Variants in LRRC53 observed in about 807,000 individuals in gnomAD.
The protein encoded by LRRC53 is leucine-rich repeat-containing protein 53.
LRRC53 carries 25 observed loss-of-function variants against 13.6 expected under a neutral mutation model. That is an observed-to-expected ratio of 1.83 (90% CI 1.34 to 2.56). The LOEUF is 2.56. LRRC53 is among the 30% of genes most tolerant of loss of function. LRRC53 has a pLI of 0.00. For missense variants in LRRC53, 527 were observed against 275.8 expected (o/e 1.91, Z -6.45); for synonymous variants, 204 against 109.8 (o/e 1.86, Z -5.37).
rs11422312 is a variant in LRRC53 at position 74,473,532 on chromosome 1, AT to A, written c.1421-1332del. Among the ~76,000 whole-genome samples the A allele has an allele frequency of 2.1e-3, 319 of 149,518 alleles. 2 individuals carry two copies. Among genetic ancestry groups the A allele is most frequent in the Middle Eastern group, 3.4e-3 (1 of 290 alleles). On this transcript the variant is annotated intron_variant, in intron 4 of 4. Coordinates refer to ENST00000294635, the MANE Select transcript of LRRC53 (RefSeq NM_001382280.1). ...CAGCACTATTGCTATTTAAAAGGCT[AT>A]TTTTTTTTTTCATTTTTAACATTGT...
At chr1:74,490,261 A>T (rs1291753771) in intron 1 of LRRC53, among the ~76,000 whole-genome samples, 1 of 152,164 alleles carries the variant, frequency 6.6e-6, no homozygotes, top group African/African-American at 2.4e-5. Context: ...GGACTTACAG[A>T]AAGTGGGGAG....
At chr1:74,525,718 C>G in the LRRC53 span, among the ~76,000 whole-genome samples, 74,205 of 151,968 alleles carry the variant, frequency 0.49, 18,896 homozygotes, top group Non-Finnish European at 0.57. Context: ...TGGATGTGCA[C>G]AAGGCCACAG....
intron 1 of LRRC53, among the ~76,000 whole-genome samples, chr1:74,499,949 T>C (rs558225473): frequency 1.8e-4 from 28 of 152,214 alleles, no homozygotes; most frequent in African/African-American, 6.7e-4. Flanking sequence ...TTCTGTCTAG[T>C]ATTTTTTCTC....
the LRRC53 span, among the ~76,000 whole-genome samples, chr1:74,521,702 CA>C: frequency 1.3e-5 from 2 of 152,072 alleles, no homozygotes; most frequent in Non-Finnish European, 2.9e-5. Flanking sequence ...AGTTGGTGAA[CA>C]AGCCATTTCA....
In LRRC53 at chr1:74,470,713, GT is replaced by G; in HGVS notation, c.2908del (p.Thr970HisfsTer2). ...SHAQLENKEK[T>X]LMTKPQISHQ... ...TGATATTTGGGGTTTTGTCATTAATGTTTTTTCTTTATTTTCAAGCTGTGCA... is the reference window on the plus strand; with the variant it reads ...TGATATTTGGGGTTTTGTCATTAATGTTTTTCTTTATTTTCAAGCTGTGCA... On this transcript the variant is annotated frameshift_variant, in exon 5 of 5. Coordinates refer to ENST00000294635, the MANE Select transcript of LRRC53 (RefSeq NM_001382280.1). LOFTEE classifies it low-confidence loss of function (END_TRUNC). 1 of 400,460 alleles carries G rather than the reference GT, an allele frequency of 2.5e-6. No individual in the cohort carries two copies. Among genetic ancestry groups the G allele is most frequent in the Non-Finnish European group, 4.4e-6 (1 of 226,102 alleles). The allele number at this position is 400,460 out of a possible 1,614,324, so 24.8% of individuals were successfully genotyped here.
At chr1:74,473,040 T>C (rs1280156332) in intron 4 of LRRC53, among the ~76,000 whole-genome samples, 1 of 152,088 alleles carries the variant, frequency 6.6e-6, no homozygotes, top group Non-Finnish European at 1.5e-5. Context: ...AGAAGGAAAC[T>C]TGTACTGGCT....
intron 3 of LRRC53, 99 bp downstream of exon 3, chr1:74,480,054 C>A: frequency 1.6e-6 from 1 of 620,478 alleles, no homozygotes; most frequent in East Asian, 2.7e-5. Context: ...CTTTCCATAG[C>A]CCTGGCAACC....
chr1:74,522,370 A>C, the LRRC53 span, among the ~76,000 whole-genome samples: 1 of 152,156 alleles, frequency 6.6e-6, no homozygotes, highest in Non-Finnish European at 1.5e-5. Flanking sequence ...GGGAACCTGC[A>C]GCAGCTCAGA....
intron 1 of LRRC53, among the ~76,000 whole-genome samples, chr1:74,488,185 T>G (rs1570689373): frequency 6.6e-6 from 1 of 152,050 alleles, no homozygotes. Flanking sequence ...GACAAGCTGG[T>G]GGTGTTTAGA....
At chr1:74,526,165 A>T in the LRRC53 span, among the ~76,000 whole-genome samples, 1 of 152,252 alleles carries the variant, frequency 6.6e-6, no homozygotes, top group Admixed American at 6.5e-5. Flanking sequence ...AAACCTTCCC[A>T]TGCAGACTGG....
At chr1:74,514,327 G>A (rs890452494), upstream of LRRC53, among the ~76,000 whole-genome samples, 1 of 152,166 alleles carries the variant, frequency 6.6e-6, no homozygotes, top group Non-Finnish European at 1.5e-5. Context: ...AGCTGAAAGC[G>A]CTTTGTGATG....
chr1:74,506,796 T>A (rs1368170904), intron 1 of LRRC53, among the ~76,000 whole-genome samples: 11 of 152,188 alleles, frequency 7.2e-5, no homozygotes, highest in Admixed American at 7.2e-4. Flanking sequence ...CTTTCTAGAT[T>A]TTTTTCCTTC....
At chr1:74,523,611 T>A in the LRRC53 span, among the ~76,000 whole-genome samples, 1 of 152,134 alleles carries the variant, frequency 6.6e-6, no homozygotes. Flanking sequence ...TCTTCATGAG[T>A]CTAGCTTTGC....
At chr1:74,476,251 C>G (rs1009523590) in intron 3 of LRRC53, among the ~76,000 whole-genome samples, 1 of 152,072 alleles carries the variant, frequency 6.6e-6, no homozygotes, top group Non-Finnish European at 1.5e-5. Context: ...TTGCAAGATC[C>G]AGTGTTTCTC....
intron 1 of LRRC53, among the ~76,000 whole-genome samples, chr1:74,484,699 T>C (rs934139616): frequency 2.6e-5 from 4 of 151,694 alleles, no homozygotes; most frequent in Non-Finnish European, 5.9e-5. Context: ...CAGAGTGGAG[T>C]GTGTAAGAGG....
At chr1:74,475,868 A>G (rs1668180460) in intron 3 of LRRC53, 58 bp from the exon 4 acceptor site, 1 of 539,254 alleles carries the variant, frequency 1.9e-6, no homozygotes, top group East Asian at 2.9e-5. Flanking sequence ...CACATAAATC[A>G]TCAAATGTAA....
chr1:74,489,043 A>G (rs1489836293), intron 1 of LRRC53: 20 of 616,352 alleles, frequency 3.2e-5, no homozygotes, highest in Non-Finnish European at 5.3e-5. Flanking sequence ...CATTCAATTA[A>G]CACTTCAATA....
intron 1 of LRRC53, among the ~76,000 whole-genome samples, chr1:74,511,078 GAGTTTC>G (rs1231532404): frequency 6.6e-6 from 1 of 152,184 alleles, no homozygotes; most frequent in African/African-American, 2.4e-5. Flanking sequence ...AGTAGAAACA[GAGTTTC>G]ACCATGTTGG....
chr1:74,515,872 A>G (rs1021256014), upstream of LRRC53, among the ~76,000 whole-genome samples: 1 of 152,234 alleles, frequency 6.6e-6, no homozygotes, highest in Non-Finnish European at 1.5e-5. Flanking sequence ...TAAAAGGACT[A>G]TACTTACACC....
Sources: gnomAD v4.1 joint callset for allele counts (sites outside exome capture counted in the v4.1 genomes callset) on GRCh38, gnomAD v4.1.1 for gene constraint, MANE v1.5 for transcripts, NCBI Gene and HGNC (gene_info 2026-07-23, HGNC 2026-07-21) for gene names.